The following PUM2 variants were observed in gnomAD, a reference collection of about 807,000 sequenced individuals.
The protein encoded by PUM2 is pumilio homolog 2.
A neutral mutation model predicts 124.5 loss-of-function variants in PUM2; 57 were observed. That is an observed-to-expected ratio of 0.46 (90% CI 0.37 to 0.57). The LOEUF (loss-of-function observed/expected upper bound fraction) is 0.57. Ranked by LOEUF, PUM2 falls within the 20% of genes least tolerant of loss-of-function variation. The probability of loss-of-function intolerance (pLI) is 0.00; values close to 1 mark genes in which losing one functional copy is unlikely to be tolerated. For missense variants in PUM2, 1,065 were observed against 1,290.6 expected, an observed-to-expected ratio of 0.83 and a Z score of 2.68; for synonymous variants, 460 against 446.1, an observed-to-expected ratio of 1.03 and a Z score of -0.39.
intron 19 of PUM2, 120 bp from the exon 20 acceptor site, chr2:20,254,134 C>T: frequency 1.2e-6 from 1 of 826,786 alleles, no homozygotes; most frequent in Non-Finnish European, 1.8e-6. Flanking sequence ...ATGGGATTCT[C>T]TTGTCTTATG....
rs1452898569 is a variant in PUM2 at position 20,329,824 on chromosome 2, A to G, written c.-18-2446T>C. Among the ~76,000 whole-genome samples, 3 of 152,272 alleles carry G rather than the reference A, an allele frequency of 2.0e-5. No homozygotes were observed. The East Asian group carries it at 5.8e-4, about 29-fold the overall frequency. ...TAGTTGGGTGTTACAAGAATGACCT[A>G]ATGTGTATAATTTTCACAGGAACAA... On this transcript the variant is annotated intron_variant, in intron 1 of 20. Transcript: ENST00000361078.
intron 1 of PUM2, among the ~76,000 whole-genome samples, chr2:20,337,513 T>C (rs1325205870): frequency 6.6e-6 from 1 of 152,164 alleles, no homozygotes; most frequent in African/African-American, 2.4e-5. Context: ...CATAATAAAG[T>C]TTAATAAATG....
At chr2:20,293,446 C>T (rs4666300) in intron 9 of PUM2, among the ~76,000 whole-genome samples, 126,640 of 152,268 alleles carry the variant, frequency 0.83, 53,061 homozygotes, top group East Asian at 0.94. Context: ...CGGTGGCTCA[C>T]GCCTATAATT....
chr2:20,269,530 T>G (rs1668540400), intron 13 of PUM2, among the ~76,000 whole-genome samples: 1 of 152,054 alleles, frequency 6.6e-6, no homozygotes, highest in South Asian at 2.1e-4. Context: ...GACACAACAA[T>G]TTTATTGGAG....
intron 15 of PUM2, among the ~76,000 whole-genome samples, chr2:20,260,125 T>A (rs1665815709): frequency 6.6e-6 from 1 of 152,222 alleles, no homozygotes; most frequent in African/African-American, 2.4e-5. Context: ...CATTTGTCAT[T>A]TGGGTTGTCT....
At chr2:20,343,359 A>G (rs190435978) in intron 1 of PUM2, among the ~76,000 whole-genome samples, 1 of 151,964 alleles carries the variant, frequency 6.6e-6, no homozygotes, top group East Asian at 1.9e-4. Flanking sequence ...ACACCACTCC[A>G]CTCCAGCCTG....
In PUM2 at chr2:20,308,400, A is replaced by T; in HGVS notation, c.703T>A (p.Leu235Ile). The change falls in exon 6 of 21, where the codon TTA becomes ATA. Residue 235 changes from leucine to isoleucine, a missense_variant. Coordinates refer to ENST00000361078, the MANE Select transcript of PUM2 (RefSeq NM_015317.5). ...DAMEQVGLES[L>I]QFDYPGNQVP... ...TGATTACCAGGATAGTCAAACTGTAAGGATTCCAGACCAACTTGTTCCATG... is the reference window on the plus strand; with the variant it reads ...TGATTACCAGGATAGTCAAACTGTATGGATTCCAGACCAACTTGTTCCATG... The T allele has an allele frequency of 6.2e-7, 1 of 1,614,112 alleles. No individual in the cohort carries two copies. Among genetic ancestry groups the T allele is most frequent in the Non-Finnish European group, 8.5e-7 (1 of 1,179,958 alleles).
At chr2:20,301,975 A>T (rs1220294946) in intron 7 of PUM2, among the ~76,000 whole-genome samples, 1 of 152,236 alleles carries the variant, frequency 6.6e-6, no homozygotes, top group African/African-American at 2.4e-5. Context: ...GATGGTTCAT[A>T]ATCTTTTGCT....
intron 13 of PUM2, 87 bp downstream of exon 13, chr2:20,278,496 T>G (rs1558531850): frequency 1.8e-6 from 2 of 1,137,948 alleles, no homozygotes; most frequent in East Asian, 2.6e-5. Flanking sequence ...TAACCAACAT[T>G]AAATATTTTA....
At chr2:20,337,643 G>C (rs1686398991) in intron 1 of PUM2, among the ~76,000 whole-genome samples, 1 of 152,124 alleles carries the variant, frequency 6.6e-6, no homozygotes, top group African/African-American at 2.4e-5. Context: ...ACACAATTCA[G>C]ACAAAAATAT....
In PUM2 at chr2:20,316,674, A is replaced by T. The variant is rs371876075; in HGVS notation, c.160+1863T>A. Among the ~76,000 whole-genome samples, 10 of 152,200 alleles carry T rather than the reference A, an allele frequency of 6.6e-5. No homozygotes were observed. The East Asian group carries it at 9.7e-4, about 15-fold the overall frequency. On this transcript the variant is annotated intron_variant, in intron 3 of 20. Transcript: ENST00000361078. ...TGAGGCAGGAGGATCACTTGAGGGC[A>T]GAAGTTCCGAGACCAGCCTGGGTAA...
intron 13 of PUM2, among the ~76,000 whole-genome samples, chr2:20,275,055 G>A (rs1388219738): frequency 6.9e-6 from 1 of 144,008 alleles, no homozygotes; most frequent in African/African-American, 2.6e-5. Flanking sequence ...AATACAACAT[G>A]AGAAAATAAC....
chr2:20,280,899 G>A (rs1254430290), intron 12 of PUM2, among the ~76,000 whole-genome samples: 1 of 152,114 alleles, frequency 6.6e-6, no homozygotes, highest in Non-Finnish European at 1.5e-5. Context: ...ATGTTACGAT[G>A]TTTAGGCTTC....
intron 1 of PUM2, among the ~76,000 whole-genome samples, chr2:20,330,953 C>T (rs906412718): frequency 6.6e-6 from 1 of 152,152 alleles, no homozygotes; most frequent in Non-Finnish European, 1.5e-5. Context: ...GGACTGATTG[C>T]TTGATACAGC....
At chr2:20,349,799 G>A (rs1169038919) in intron 1 of PUM2, among the ~76,000 whole-genome samples, 1 of 152,168 alleles carries the variant, frequency 6.6e-6, no homozygotes. Flanking sequence ...GTCCTAACAT[G>A]ATGTCTTATT....
At chr2:20,325,605 G>A (rs1683477399) in intron 2 of PUM2, among the ~76,000 whole-genome samples, 1 of 151,618 alleles carries the variant, frequency 6.6e-6, no homozygotes, top group Non-Finnish European at 1.5e-5. Flanking sequence ...AATTAATGTA[G>A]GAGTATGACT....
At chr2:20,336,156 T>C (rs1265646642) in intron 1 of PUM2, among the ~76,000 whole-genome samples, 2 of 152,128 alleles carry the variant, frequency 1.3e-5, no homozygotes, top group Non-Finnish European at 2.9e-5. Context: ...TTTAGAAAAC[T>C]GTTTACATAA....
intron 8 of PUM2, among the ~76,000 whole-genome samples, chr2:20,296,296 C>G (rs1375761528): frequency 1.3e-5 from 2 of 152,088 alleles, no homozygotes; most frequent in Admixed American, 6.5e-5. Context: ...GAGATGGAGA[C>G]CATCCTGGCT....
intron 3 of PUM2, among the ~76,000 whole-genome samples, chr2:20,317,255 G>A (rs921534575): frequency 6.6e-6 from 1 of 151,604 alleles, no homozygotes; most frequent in Non-Finnish European, 1.5e-5. Flanking sequence ...TGTCACTCCT[G>A]CATGTTATAC....
Sources: allele counts gnomAD v4.1 joint callset (sites outside exome capture counted in the v4.1 genomes callset), GRCh38; gene constraint gnomAD v4.1.1; transcripts MANE v1.5; gene names NCBI Gene and HGNC (gene_info 2026-07-23, HGNC 2026-07-21).